Variants in ETS1 observed in about 807,000 individuals in gnomAD.
The protein encoded by ETS1 is ETS proto-oncogene 1, transcription factor.
A neutral mutation model predicts 58.6 loss-of-function variants in ETS1; 15 were observed. That is an observed-to-expected ratio of 0.26 (90% CI 0.17 to 0.39). The LOEUF is 0.39. Ranked by LOEUF, ETS1 falls within the 10% of genes least tolerant of loss-of-function variation. The pLI is 1.00. For missense variants in ETS1, 417 were observed against 610.5 expected (o/e 0.68, Z 3.34); for synonymous variants, 214 against 218.2 (o/e 0.98, Z 0.17).
intron 7 of ETS1, among the ~76,000 whole-genome samples, chr11:128,481,147 A>G (rs571235029): frequency 1.9e-3 from 195 of 101,070 alleles, no homozygotes; most frequent in African/African-American, 9.3e-3. Flanking sequence ...TAAACAGAAA[A>G]CCATATTCTT....
At chr11:128,523,897 T>C (rs1433766711) in intron 3 of ETS1, among the ~76,000 whole-genome samples, 1 of 151,434 alleles carries the variant, frequency 6.6e-6, no homozygotes, top group Middle Eastern at 3.2e-3. Flanking sequence ...GAATTGTACA[T>C]TTACACGTCC....
At chr11:128,530,670 G>A (rs1449401731) in intron 3 of ETS1, among the ~76,000 whole-genome samples, 5 of 152,152 alleles carry the variant, frequency 3.3e-5, no homozygotes, top group Admixed American at 2.6e-4. Context: ...GTGGGAGGAG[G>A]TGCAGCTGGG....
rs1834784186 is a variant in ETS1 at position 128,474,156 on chromosome 11, T to C, written c.1123+6035A>G. Among the ~76,000 whole-genome samples the C allele has an allele frequency of 2.6e-5, 4 of 152,202 alleles. No individual in the cohort carries two copies. In the South Asian group the frequency reaches 8.3e-4, roughly 32 times the overall value. ...TACCCAGAATAGAGGGGTCAACCCGTGAGTCTCCTGGTATCCAAAATCCAG... is the reference window on the plus strand; with the variant it reads ...TACCCAGAATAGAGGGGTCAACCCGCGAGTCTCCTGGTATCCAAAATCCAG... On this transcript the variant is annotated intron_variant, in intron 8 of 9. Transcript: ENST00000392668.
At chr11:128,515,893 G>C (rs909576913) in intron 3 of ETS1, among the ~76,000 whole-genome samples, 1 of 152,216 alleles carries the variant, frequency 6.6e-6, no homozygotes, top group Non-Finnish European at 1.5e-5. Flanking sequence ...CACATTTGAA[G>C]TGTCAAGTGA....
At chr11:128,580,739 C>T (rs1864853955) in intron 1 of ETS1, among the ~76,000 whole-genome samples, 1 of 152,198 alleles carries the variant, frequency 6.6e-6, no homozygotes, top group Non-Finnish European at 1.5e-5. Flanking sequence ...TATTCTTTCA[C>T]TAAGGTTACA....
chr11:128,544,339 TAA>T lies in ETS1; in HGVS notation c.214+11950_214+11951del, dbSNP rs1491360157. Reference sequence around the variant, plus strand: ...GATGAAAAAGTGATTAATTGTTTACTAATATATATATATATATATATATATAT... The same window carrying T: ...GATGAAAAAGTGATTAATTGTTTACTTATATATATATATATATATATATAT... On this transcript the variant is annotated intron_variant, in intron 3 of 9. Transcript: ENST00000392668. 2.7e-4 allele frequency among the ~76,000 whole-genome samples: 18 copies of T among 67,210 alleles called. No individual in the cohort carries two copies. In the South Asian group the frequency reaches 7.4e-3, roughly 28 times the overall value. The allele number at this position is 67,210 out of a possible 152,430, so 44.1% of individuals were successfully genotyped here.
chr11:128,540,994 T>A lies in ETS1; in HGVS notation c.214+15297A>T, dbSNP rs191583224. Among the ~76,000 whole-genome samples, 4 of 152,314 alleles carry A rather than the reference T, an allele frequency of 2.6e-5. No homozygotes were observed. In the East Asian group the frequency reaches 7.7e-4, roughly 29 times the overall value. ...AAAACAACCCCTTTCCAAATCGAGC[T>A]CTGTCCTCATTCTGCCAACTAAGTT... On this transcript the variant is annotated intron_variant, in intron 3 of 9. Coordinates refer to ENST00000392668, the MANE Select transcript of ETS1 (RefSeq NM_001143820.2).
chr11:128,503,383 C>A (rs770568396), intron 3 of ETS1, among the ~76,000 whole-genome samples: 1 of 152,174 alleles, frequency 6.6e-6, no homozygotes, highest in Admixed American at 6.5e-5. Flanking sequence ...CCTTCCCCAG[C>A]CCCACATGCT....
chr11:128,491,662 A>C (rs1862804425), intron 3 of ETS1, among the ~76,000 whole-genome samples: 1 of 152,238 alleles, frequency 6.6e-6, no homozygotes, highest in East Asian at 1.9e-4. Flanking sequence ...GGTGAGTATG[A>C]ATGGATGAGC....
Position 128,505,582 on chromosome 11 carries a change from G to A in ETS1, c.215-15006C>T, listed in dbSNP as rs527312224. 2.0e-5 allele frequency among the ~76,000 whole-genome samples: 3 copies of A among 152,176 alleles called. No homozygotes were observed. In the East Asian group the frequency reaches 5.8e-4, roughly 29 times the overall value. On this transcript the variant is annotated intron_variant, in intron 3 of 9. Coordinates refer to ENST00000392668, the MANE Select transcript of ETS1 (RefSeq NM_001143820.2). ...TGCTGCCCCAGAGTCTCGCCCACACGGACCCAGGGCAGACAGCCTCAGACG... is the reference window on the plus strand; with the variant it reads ...TGCTGCCCCAGAGTCTCGCCCACACAGACCCAGGGCAGACAGCCTCAGACG...
At chr11:128,538,898 T>C (rs557567079) in intron 3 of ETS1, among the ~76,000 whole-genome samples, 4 of 152,198 alleles carry the variant, frequency 2.6e-5, no homozygotes, top group Admixed American at 2.6e-4. Context: ...ATTAAGGAGG[T>C]AGTTCGTAGG....
intron 2 of ETS1, among the ~76,000 whole-genome samples, chr11:128,559,423 T>A (rs1352750636): frequency 6.6e-6 from 1 of 152,196 alleles, no homozygotes; most frequent in Admixed American, 6.5e-5. Flanking sequence ...ATCAGCTTGA[T>A]TTTATGTGGT....
At chr11:128,539,315 G>T (rs12364200) in intron 3 of ETS1, among the ~76,000 whole-genome samples, 6,794 of 152,246 alleles carry the variant, frequency 0.045, 264 homozygotes, top group South Asian at 0.12. Flanking sequence ...ATAAGGGCTT[G>T]TATTCAGAAT....
intron 3 of ETS1, chr11:128,526,491 C>T (rs946966461): frequency 4.9e-5 from 9 of 182,244 alleles, no homozygotes; most frequent in East Asian, 3.5e-4. Context: ...ATCTAGTATA[C>T]GGTAGAATAT....
intron 8 of ETS1, among the ~76,000 whole-genome samples, chr11:128,478,455 G>GAGGAAGGAAGGAAGGA (rs1214297560): frequency 2.0e-5 from 2 of 102,290 alleles, no homozygotes; most frequent in Non-Finnish European, 1.8e-5. Flanking sequence ...GAGAGGGAGG[G>GAGGAAGGAAGGAAGGA]AGGAAGGAAG....
At chr11:128,500,184 A>G (rs1339559899) in intron 3 of ETS1, among the ~76,000 whole-genome samples, 2 of 152,066 alleles carry the variant, frequency 1.3e-5, no homozygotes, top group African/African-American at 4.8e-5. Context: ...CAGACAGAGG[A>G]GGAGAGCTGG....
chr11:128,471,670 T>C (rs1862191240), intron 8 of ETS1, among the ~76,000 whole-genome samples: 1 of 152,178 alleles, frequency 6.6e-6, no homozygotes, highest in African/African-American at 2.4e-5. Context: ...GGTTTGGATT[T>C]GGGGGAAGGG....
At position 128,549,014 on chromosome 11, in the gene ETS1, G is replaced by A. The variant is rs1306238947; in HGVS notation, c.214+7277C>T. Among the ~76,000 whole-genome samples, 1 of 151,908 alleles carries A rather than the reference G, an allele frequency of 6.6e-6. No individual in the cohort carries two copies. Among genetic ancestry groups the A allele is most frequent in the African/African-American group, 2.4e-5 (1 of 41,358 alleles). On this transcript the variant is annotated intron_variant, in intron 3 of 9. Transcript: ENST00000392668. This position sits in a 1 kb window ranked among gnomAD's most constrained non-coding sequence, Gnocchi z 4.3. The stretch of plus-strand genomic sequence containing the variant: ...GAGGATTGCAGGGGAGGAAGGCGGG[G>A]TGGGGTTAGGGACCGGGAGGCTGGG...
At chr11:128,518,346 C>T (rs1863578654) in intron 3 of ETS1, among the ~76,000 whole-genome samples, 1 of 152,184 alleles carries the variant, frequency 6.6e-6, no homozygotes, top group East Asian at 1.9e-4. Context: ...CATTCAAGGG[C>T]CTCTGAAAAT....
Sources: gnomAD v4.1 joint callset for allele counts (sites outside exome capture counted in the v4.1 genomes callset) on GRCh38, gnomAD v4.1.1 for gene constraint, Gnocchi (gnomAD v3.1) non-coding constraint, MANE v1.5 for transcripts, NCBI Gene and HGNC (gene_info 2026-07-23, HGNC 2026-07-21) for gene names.